Variants in RBFOX3 observed in about 807,000 individuals in gnomAD.
RBFOX3 encodes RNA binding fox-1 homolog 3.
Under a neutral mutation model 48.7 loss-of-function variants are expected in RBFOX3, and 17 were observed. That is an observed-to-expected ratio of 0.35 (90% confidence interval 0.24 to 0.52). The LOEUF (loss-of-function observed/expected upper bound fraction) is 0.52, where lower values mean the gene tolerates loss of function less well. Among genes scored for constraint, RBFOX3 ranks in the 20% least tolerant of loss-of-function variants. The pLI is 0.94. For synonymous variants in RBFOX3, 212 were observed against 209.5 expected (o/e 1.01, Z -0.10); for missense variants, 382 against 497.5 (o/e 0.77, Z 2.21).
chr17:79,624,578 G>C, the RBFOX3 span, among the ~76,000 whole-genome samples: 1 of 152,136 alleles, frequency 6.6e-6, no homozygotes, highest in Admixed American at 6.5e-5. Context: ...ATCCAGAGCC[G>C]AGCGAAGGGA....
chr17:79,209,443 C>T lies in RBFOX3; in HGVS notation c.-34+26323G>A, dbSNP rs143896567. ...CTCGGGACACACCCATTGAACCAAA[C>T]GGAACTCCCACTTCCAAAGCACCAT... On this transcript the variant is annotated intron_variant, in intron 4 of 14. Coordinates refer to ENST00000693108, the MANE Select transcript of RBFOX3 (RefSeq NM_001350451.2). Among the ~76,000 whole-genome samples, 273 of 152,346 alleles carry T rather than the reference C, an allele frequency of 1.8e-3. 2 individuals carry two copies. The highest frequency in any genetic ancestry group is 3.0e-3 in the Non-Finnish European group (202 of 68,028).
intron 4 of RBFOX3, among the ~76,000 whole-genome samples, chr17:79,117,207 G>A (rs1033668501): frequency 3.3e-5 from 5 of 152,244 alleles, no homozygotes; most frequent in Admixed American, 6.5e-5. Flanking sequence ...CCCACTGCCT[G>A]GAAGGACAGA....
chr17:79,177,993 T>C (rs2050975639), intron 4 of RBFOX3, among the ~76,000 whole-genome samples: 1 of 152,182 alleles, frequency 6.6e-6, no homozygotes, highest in African/African-American at 2.4e-5. Context: ...GGCTGCTGGC[T>C]GCGCACAGCC....
At chr17:79,430,747 G>A (rs572877099) in intron 2 of RBFOX3, among the ~76,000 whole-genome samples, 9 of 152,288 alleles carry the variant, frequency 5.9e-5, no homozygotes, top group African/African-American at 1.9e-4. Flanking sequence ...GTTTTGCCAC[G>A]TTGGCCAGGT....
chr17:79,316,403 G>A (rs1203318877), intron 2 of RBFOX3, among the ~76,000 whole-genome samples: 1 of 152,216 alleles, frequency 6.6e-6, no homozygotes, highest in Non-Finnish European at 1.5e-5. Context: ...TACAGACTCA[G>A]GGCCCACCTG....
intron 2 of RBFOX3, among the ~76,000 whole-genome samples, chr17:79,335,465 C>T (rs2081048244): frequency 6.6e-6 from 1 of 152,214 alleles, no homozygotes; most frequent in African/African-American, 2.4e-5. Context: ...TCATCACCCT[C>T]GTCTTACAGT....
rs576164822 is a variant in RBFOX3, at chr17:79,390,204, G to A, written c.-174-82380C>T. On this transcript the variant is annotated intron_variant, in intron 2 of 14. Coordinates refer to ENST00000693108, the MANE Select transcript of RBFOX3 (RefSeq NM_001350451.2). The surrounding 1 kb of genome is among the most constrained non-coding windows in gnomAD (Gnocchi z 4.2). The stretch of plus-strand genomic sequence containing the variant: ...TGAGGTGTCCAACCTCCGGGACGCT[G>A]CACTGACTTTCAAGTGCCCAGAGGT... Among the ~76,000 whole-genome samples, 1 of 152,344 alleles carries A rather than the reference G, an allele frequency of 6.6e-6. No homozygotes were observed. Among genetic ancestry groups the A allele is most frequent in the South Asian group, 2.1e-4 (1 of 4,832 alleles).
chr17:79,556,039 T>C (rs2091728638), intron 1 of RBFOX3, among the ~76,000 whole-genome samples: 1 of 151,976 alleles, frequency 6.6e-6, no homozygotes, highest in African/African-American at 2.4e-5. Context: ...GCAAAAGAAA[T>C]GGAAGATTCT....
intron 2 of RBFOX3, among the ~76,000 whole-genome samples, chr17:79,404,428 C>T (rs913479530): frequency 4.6e-5 from 7 of 152,236 alleles, no homozygotes; most frequent in East Asian, 1.9e-4. Flanking sequence ...GCACCCCAGG[C>T]CACACGGCCC....
chr17:79,289,440 A>C (rs1250623898), intron 3 of RBFOX3, among the ~76,000 whole-genome samples: 3 of 152,238 alleles, frequency 2.0e-5, no homozygotes, highest in African/African-American at 7.2e-5. Context: ...GGAACCCAGT[A>C]CCCAGTCCCC....
intron 2 of RBFOX3, among the ~76,000 whole-genome samples, chr17:79,336,412 AT>A (rs1313647579): frequency 4.0e-5 from 4 of 100,636 alleles, no homozygotes; most frequent in African/African-American, 1.5e-4. Flanking sequence ...AAATAAATAA[AT>A]AAATAAAATA....
chr17:79,191,253 T>C (rs2054458071), intron 4 of RBFOX3, among the ~76,000 whole-genome samples: 2 of 152,152 alleles, frequency 1.3e-5, no homozygotes, highest in African/African-American at 4.8e-5. Context: ...CGTGCAGCAC[T>C]GTAGAGAGGG....
intron 4 of RBFOX3, among the ~76,000 whole-genome samples, chr17:79,150,371 C>A (rs147250114): frequency 6.6e-6 from 1 of 152,038 alleles, no homozygotes; most frequent in Non-Finnish European, 1.5e-5. Flanking sequence ...GAGGCCTGGC[C>A]GTTCTCTGGG....
At chr17:79,470,028 G>A (rs868967939) in intron 2 of RBFOX3, among the ~76,000 whole-genome samples, 24 of 152,152 alleles carry the variant, frequency 1.6e-4, no homozygotes, top group Middle Eastern at 3.2e-3. Context: ...GGTGAGGGTC[G>A]TAGGCACGTG....
intron 4 of RBFOX3, among the ~76,000 whole-genome samples, chr17:79,146,781 GA>G (rs369664395): frequency 5.1e-4 from 78 of 152,326 alleles, no homozygotes; most frequent in African/African-American, 1.8e-3. Context: ...CTGCTGCTGG[GA>G]GGTCCTGCAG....
chr17:79,370,109 G>T (rs1173135493), intron 2 of RBFOX3, among the ~76,000 whole-genome samples: 1 of 152,198 alleles, frequency 6.6e-6, no homozygotes, highest in Non-Finnish European at 1.5e-5. Flanking sequence ...TGGTGACCAG[G>T]TCTTGGTGCC....
At chr17:79,170,088 G>A (rs2048849283) in intron 4 of RBFOX3, among the ~76,000 whole-genome samples, 1 of 144,734 alleles carries the variant, frequency 6.9e-6, no homozygotes, top group Non-Finnish European at 1.5e-5. Context: ...AGGAAGGAAG[G>A]AAGGATGGAA....
Position 79,249,061 on chromosome 17 carries a change from C to G in RBFOX3, c.-73-13256G>C, listed in dbSNP as rs957720803. On this transcript the variant is annotated intron_variant, in intron 3 of 14. Transcript: ENST00000693108. This position sits in a 1 kb window ranked among gnomAD's most constrained non-coding sequence, Gnocchi z 4.1. ...AGCGGGGCCAGAACCCAGAGCGAGG[C>G]TGCCTCCCCTGGGTCGGCAACGCCA... 3.2e-4 allele frequency among the ~76,000 whole-genome samples: 49 copies of G among 152,202 alleles called. No homozygotes were observed. The highest frequency in any genetic ancestry group is 1.1e-3 in the African/African-American group (46 of 41,464).
At chr17:79,196,143 G>T (rs1048880084) in intron 4 of RBFOX3, among the ~76,000 whole-genome samples, 2 of 152,140 alleles carry the variant, frequency 1.3e-5, no homozygotes, top group African/African-American at 4.8e-5. Context: ...AGTGGAGGCC[G>T]GGATGCGGGG....
Sources: gnomAD v4.1 joint callset for allele counts (sites outside exome capture counted in the v4.1 genomes callset) on GRCh38, gnomAD v4.1.1 for gene constraint, Gnocchi (gnomAD v3.1) non-coding constraint, MANE v1.5 for transcripts, NCBI Gene and HGNC (gene_info 2026-07-23, HGNC 2026-07-21) for gene names.